Variants in TAF15 observed in about 807,000 individuals in gnomAD.
The protein encoded by TAF15 is TATA-box binding protein associated factor 15, also known as TATA-binding protein-associated factor 2N.
Under a neutral mutation model 102.5 loss-of-function variants are expected in TAF15, and 37 were observed. The observed-to-expected ratio is 0.36, with a 90% CI of 0.28 to 0.47. The LOEUF (loss-of-function observed/expected upper bound fraction) is 0.47, where lower values mean the gene tolerates loss of function less well. Ranked by LOEUF, TAF15 falls within the 20% of genes least tolerant of loss-of-function variation. The probability of loss-of-function intolerance (pLI) is 0.99; values close to 1 mark genes in which losing one functional copy is unlikely to be tolerated. For synonymous variants in TAF15, 273 were observed against 259.2 expected, an observed-to-expected ratio of 1.05 and a Z score of -0.51; for missense variants, 652 against 760.7, an observed-to-expected ratio of 0.86 and a Z score of 1.68.
chr17:35,842,482 T>A, intron 12 of TAF15, 23 bp downstream of exon 12: 1 of 1,564,312 alleles, frequency 6.4e-7, no homozygotes. Flanking sequence ...CTGCGTACAG[T>A]CCTGGATACT....
chr17:35,846,884 G>C (rs780669312), intron 15 of TAF15, 22 bp from the exon 16 acceptor site: 2 of 1,613,944 alleles, frequency 1.2e-6, no homozygotes, highest in Non-Finnish European at 1.7e-6. Flanking sequence ...ATTTAGTCCG[G>C]CTCTTTATTT....
chr17:35,830,672 G>A (rs1055312448), intron 7 of TAF15, among the ~76,000 whole-genome samples: 2 of 152,144 alleles, frequency 1.3e-5, no homozygotes, highest in Admixed American at 1.3e-4. Flanking sequence ...TGATTGAAAC[G>A]TTTGAACTTG....
chr17:35,810,338 C>T (rs2087110801), intron 1 of TAF15: 2 of 152,476 alleles, frequency 1.3e-5, no homozygotes, highest in African/African-American at 4.8e-5. Flanking sequence ...GAAAGGCAAT[C>T]TTTTTTCCCC....
chr17:35,824,376 A>G (rs2087300697), intron 7 of TAF15, 178 bp downstream of exon 7: 8 of 819,678 alleles, frequency 9.8e-6, no homozygotes, highest in East Asian at 8.1e-5. Flanking sequence ...AATATCTCAC[A>G]TAAATGACCT....
chr17:35,822,296 G>GC (rs2087270297), intron 5 of TAF15, among the ~76,000 whole-genome samples: 1 of 149,666 alleles, frequency 6.7e-6, no homozygotes, highest in Non-Finnish European at 1.5e-5. Flanking sequence ...AGCCACGATC[G>GC]CGCCATTGCA....
intron 1 of TAF15, chr17:35,817,110 A>T (rs374665440): frequency 6.6e-6 from 1 of 152,036 alleles, no homozygotes; most frequent in Non-Finnish European, 1.5e-5. Flanking sequence ...TCCCTTGGTC[A>T]TTTTTTTGAT....
At chr17:35,838,675 A>G in intron 11 of TAF15, 122 bp downstream of exon 11, 1 of 1,437,216 alleles carries the variant, frequency 7.0e-7, no homozygotes, top group Admixed American at 1.9e-5. Flanking sequence ...TATTAAGAAT[A>G]CAGGTCAGAA....
intron 1 of TAF15, chr17:35,811,048 ACAC>A (rs1347244331): frequency 6.6e-6 from 1 of 152,188 alleles, no homozygotes; most frequent in Non-Finnish European, 1.5e-5. Context: ...TTCTTATAGT[ACAC>A]CCTCACAAGA....
chr17:35,825,789 A>G (rs1444576108), intron 7 of TAF15, among the ~76,000 whole-genome samples: 1 of 152,098 alleles, frequency 6.6e-6, no homozygotes, highest in Non-Finnish European at 1.5e-5. Flanking sequence ...TCTACTAAAA[A>G]TACAAAAAAT....
chr17:35,809,501 C>A lies in TAF15; in HGVS notation c.-69C>A. On this transcript the variant is annotated 5_prime_UTR_variant, in exon 1 of 16. Coordinates refer to ENST00000605844, the MANE Select transcript of TAF15 (RefSeq NM_139215.3). ...CCGCCCTCAGTACAGCTCCGGCCGC[C>A]GCGCCGCCTGGCTTTCGTATTCGTT... 4 of 1,608,658 alleles carry A rather than the reference C, an allele frequency of 2.5e-6. No individual in the cohort carries two copies. The highest frequency in any genetic ancestry group is 3.4e-6 in the Non-Finnish European group (4 of 1,178,590).
intron 10 of TAF15, among the ~76,000 whole-genome samples, chr17:35,838,005 T>G (rs948111303): frequency 6.7e-6 from 1 of 149,318 alleles, no homozygotes; most frequent in Admixed American, 6.7e-5. Flanking sequence ...CTGAGCCATA[T>G]AGCAAGACCC....
intron 2 of TAF15, among the ~76,000 whole-genome samples, chr17:35,818,072 C>T (rs529570663): frequency 6.6e-6 from 1 of 152,136 alleles, no homozygotes; most frequent in Admixed American, 6.5e-5. Context: ...CCACTACAGA[C>T]ATGTGCCACT....
intron 1 of TAF15, 83 bp downstream of exon 1, chr17:35,809,659 C>T (rs1315471395): frequency 6.3e-7 from 1 of 1,595,288 alleles, no homozygotes; most frequent in East Asian, 2.2e-5. Context: ...CCGGAGGGCC[C>T]TGAGGAGAAG....
Position 35,844,542 on chromosome 17 carries a change from C to G in TAF15, c.1243C>G (p.Arg415Gly). Reference sequence around the variant, plus strand: ...AGGTCGTGGGGGCAGAGGTGGAGACCGAGGCGGCTATGGTGGAGACAGAAG... The same window carrying G: ...AGGTCGTGGGGGCAGAGGTGGAGACGGAGGCGGCTATGGTGGAGACAGAAG... ...YRGRGGRGGD[R>G]GGYGGDRSGG... Residue 415 changes from arginine to glycine, a missense_variant, in exon 15 of 16, where the codon CGA becomes GGA. Physicochemically the swap from Arg to Gly is moderately radical, Grantham distance 125. Transcript: ENST00000605844. 6.2e-7 allele frequency: 1 copy of G among 1,602,580 alleles called. No homozygotes were observed. The highest frequency in any genetic ancestry group is 8.5e-7 in the Non-Finnish European group (1 of 1,174,748).
In TAF15 at chr17:35,820,423, G is replaced by A; in HGVS notation, c.276G>A (p.Met92Ile). ...PYNNQGQQQN[M>I]ESSGSQGGRA... ...ATAACCAGGGACAGCAGCAAAACATGGAATCATCAGGAAGGTAAGGAAATA... is the reference window on the plus strand; with the variant it reads ...ATAACCAGGGACAGCAGCAAAACATAGAATCATCAGGAAGGTAAGGAAATA... The change falls in exon 5 of 16, where the codon ATG (methionine) becomes ATA (isoleucine). Residue 92 changes from methionine to isoleucine, a missense_variant. Coordinates refer to ENST00000605844, the MANE Select transcript of TAF15 (RefSeq NM_139215.3). 2 of 1,613,650 alleles carry A rather than the reference G, an allele frequency of 1.2e-6. 1 individual carries two copies. The highest frequency in any genetic ancestry group is 2.2e-5 in the South Asian group (2 of 91,078).
rs925493964 is a variant in TAF15 at position 35,819,878 on chromosome 17, A to G, written c.48-146A>G. 1.1e-5 allele frequency: 8 copies of G among 741,390 alleles called. No individual in the cohort carries two copies. In the Admixed American group the frequency reaches 1.2e-4, roughly 11 times the overall value. 45.9% of individuals were successfully genotyped at this position (741,390 alleles called of 1,614,324 possible). On this transcript the variant is annotated intron_variant, in intron 2 of 15. Transcript: ENST00000605844. ...AACAGTCTTTGATCGTCACCTTTCA[A>G]TTTAGACTCTAGAGACAGGGAGATT...
Position 35,820,217 on chromosome 17 carries a change from C to A in TAF15, c.153C>A (p.Ser51Arg), listed in dbSNP as rs771921231. The A allele has an allele frequency of 1.2e-6, 2 of 1,614,046 alleles. No individual in the cohort carries two copies. The highest frequency in any genetic ancestry group is 8.5e-7 in the Non-Finnish European group (1 of 1,179,938). Reference sequence around the variant, plus strand: ...ATTCCTCTTATGGACAGAACTACAGCGGTTACTCCAGTTATGGACAAAGTC... The same window carrying A: ...ATTCCTCTTATGGACAGAACTACAGAGGTTACTCCAGTTATGGACAAAGTC... Reference protein sequence around the residue: ...TTDSSYGQNYSGYSSYGQSQS... With the variant: ...TTDSSYGQNYRGYSSYGQSQS... The change falls in exon 4 of 16, where the codon AGC (serine) becomes AGA (arginine). Residue 51 changes from serine (S) to arginine (R), a missense_variant. Physicochemically the swap from Ser to Arg is moderately radical, Grantham distance 110. Coordinates refer to ENST00000605844, the MANE Select transcript of TAF15 (RefSeq NM_139215.3).
At chr17:35,841,179 T>C (rs2087538630) in intron 11 of TAF15, among the ~76,000 whole-genome samples, 1 of 147,408 alleles carries the variant, frequency 6.8e-6, no homozygotes, top group African/African-American at 2.5e-5. Flanking sequence ...ACTTTGGAAA[T>C]GATAAAAAAA....
At chr17:35,824,338 C>T in intron 7 of TAF15, 140 bp downstream of exon 7, 1 of 1,159,390 alleles carries the variant, frequency 8.6e-7, no homozygotes. Context: ...GAGAAAAAGG[C>T]AGAAATTAAA....
Sources: gnomAD v4.1 joint callset for allele counts (sites outside exome capture counted in the v4.1 genomes callset) on GRCh38, gnomAD v4.1.1 for gene constraint, MANE v1.5 for transcripts, NCBI Gene and HGNC (gene_info 2026-07-23, HGNC 2026-07-21) for gene names.